The following RORA variants were observed in gnomAD, a reference collection of about 807,000 sequenced individuals.
RORA encodes the protein nuclear receptor ROR-alpha.
Under a neutral mutation model 69.5 loss-of-function variants are expected in RORA, and 7 were observed. That is an observed-to-expected ratio of 0.10 (90% CI 0.06 to 0.19). The LOEUF is 0.19. Ranked by LOEUF, RORA falls within the 10% of genes least tolerant of loss-of-function variation. RORA has a pLI of 1.00. For synonymous variants in RORA, 261 were observed against 240.8 expected, an observed-to-expected ratio of 1.08 and a Z score of -0.78; for missense variants, 457 against 663.0, an observed-to-expected ratio of 0.69 and a Z score of 3.41.
At chr15:60,854,844 C>T (rs2073363505) in intron 1 of RORA, among the ~76,000 whole-genome samples, 1 of 152,220 alleles carries the variant, frequency 6.6e-6, no homozygotes, top group African/African-American at 2.4e-5. Flanking sequence ...GATACTTTGG[C>T]AGTTTAAAGT....
Position 60,884,224 on chromosome 15 carries a change from C to A in RORA, c.167-205538G>T, listed in dbSNP as rs967021492. 3.3e-5 allele frequency among the ~76,000 whole-genome samples: 5 copies of A among 151,592 alleles called. No individual in the cohort carries two copies. In the East Asian group the frequency reaches 9.7e-4, roughly 29 times the overall value. On this transcript the variant is annotated intron_variant, in intron 1 of 10. Transcript: ENST00000335670. ...AGAAAGAGAGAGAGAGAGAGAAGGA[C>A]AAGAAGAAGAAGAAAATGGCACAGA...
intron 2 of RORA, among the ~76,000 whole-genome samples, chr15:60,559,737 G>A (rs1372174272): frequency 6.6e-6 from 1 of 152,180 alleles, no homozygotes; most frequent in Admixed American, 6.5e-5. Flanking sequence ...ATTACGGCTT[G>A]ATAATTATCA....
At chr15:61,112,255 A>G (rs1258378234) in intron 1 of RORA, among the ~76,000 whole-genome samples, 1 of 152,138 alleles carries the variant, frequency 6.6e-6, no homozygotes, top group Non-Finnish European at 1.5e-5. Context: ...TTTCTTTTAC[A>G]TTGTACTTTA....
At chr15:60,824,700 G>A (rs2072935129) in intron 1 of RORA, among the ~76,000 whole-genome samples, 1 of 152,180 alleles carries the variant, frequency 6.6e-6, no homozygotes, top group Admixed American at 6.5e-5. Flanking sequence ...TTGTTGCTGT[G>A]AAGATTAAGT....
At chr15:61,090,247 T>C (rs1307179299) in intron 1 of RORA, among the ~76,000 whole-genome samples, 2 of 152,194 alleles carry the variant, frequency 1.3e-5, no homozygotes, top group Non-Finnish European at 2.9e-5. Flanking sequence ...CAAGACCTTG[T>C]ATTTTTTATT....
chr15:60,759,708 G>C (rs146469685), intron 1 of RORA, among the ~76,000 whole-genome samples: 1 of 152,104 alleles, frequency 6.6e-6, no homozygotes, highest in African/African-American at 2.4e-5. Flanking sequence ...AAAGAAGTGC[G>C]TGCCAAATGA....
At chr15:61,161,482 AT>A (rs2079495409) in intron 1 of RORA, among the ~76,000 whole-genome samples, 1 of 152,214 alleles carries the variant, frequency 6.6e-6, no homozygotes, top group South Asian at 2.1e-4. Flanking sequence ...AGTAACATCT[AT>A]CTCACAGACT....
At chr15:60,823,912 G>T (rs1335815777) in intron 1 of RORA, among the ~76,000 whole-genome samples, 3 of 152,140 alleles carry the variant, frequency 2.0e-5, no homozygotes, top group Non-Finnish European at 1.5e-5. Flanking sequence ...CATCTTGGGG[G>T]TGGCCAGCAT....
intron 1 of RORA, among the ~76,000 whole-genome samples, chr15:60,871,704 C>T (rs2073557994): frequency 6.6e-6 from 1 of 152,216 alleles, no homozygotes; most frequent in African/African-American, 2.4e-5. Context: ...TTCAAAGCCT[C>T]TTATGTGAAG....
intron 1 of RORA, among the ~76,000 whole-genome samples, chr15:61,195,396 A>G (rs1053353386): frequency 1.3e-5 from 2 of 151,730 alleles, no homozygotes; most frequent in Admixed American, 6.6e-5. Context: ...GCTTCAACAA[A>G]CCAAACCACA....
At chr15:60,556,872 TACTTCCTTA>T (rs755332713) in intron 2 of RORA, 1 of 1,613,316 alleles carries the variant, frequency 6.2e-7, no homozygotes, top group East Asian at 2.2e-5. Context: ...ATCCAGTTTG[TACTTCCTTA>T]TCTTCCTTTT....
At chr15:60,678,429 A>G (rs917960326) in intron 2 of RORA, 12 of 453,546 alleles carry the variant, frequency 2.6e-5, no homozygotes, top group Admixed American at 3.9e-5. Context: ...GGCTGGAAAC[A>G]CTGGAATTCA....
At chr15:61,216,598 G>A (rs1369904070) in intron 1 of RORA, among the ~76,000 whole-genome samples, 1 of 152,118 alleles carries the variant, frequency 6.6e-6, no homozygotes, top group Non-Finnish European at 1.5e-5. Flanking sequence ...AGGGCAAGGT[G>A]GGAATAAGGT....
At chr15:60,913,080 C>T (rs1015751243) in intron 1 of RORA, among the ~76,000 whole-genome samples, 4 of 152,140 alleles carry the variant, frequency 2.6e-5, no homozygotes, top group African/African-American at 9.7e-5. Context: ...AGGGTTTATT[C>T]TTACTGATAA....
At chr15:60,521,342 A>G (rs555852930) in intron 3 of RORA, among the ~76,000 whole-genome samples, 1 of 151,836 alleles carries the variant, frequency 6.6e-6, no homozygotes, top group East Asian at 1.9e-4. Context: ...CCTGGGTTCA[A>G]GTGATTCTCC....
chr15:60,729,474 C>T (rs1009916009), intron 1 of RORA, among the ~76,000 whole-genome samples: 2 of 152,182 alleles, frequency 1.3e-5, no homozygotes, highest in African/African-American at 2.4e-5. Context: ...TAGGACAAAT[C>T]CATTTATGTA....
chr15:60,565,574 A>G (rs1410595327), intron 2 of RORA, among the ~76,000 whole-genome samples: 1 of 152,216 alleles, frequency 6.6e-6, no homozygotes, highest in Non-Finnish European at 1.5e-5. Flanking sequence ...GATCTGTTTC[A>G]TGTTAAAATT....
chr15:60,698,950 G>A (rs909855325), intron 1 of RORA, among the ~76,000 whole-genome samples: 1 of 151,846 alleles, frequency 6.6e-6, no homozygotes, highest in Non-Finnish European at 1.5e-5. Flanking sequence ...CATAATCTTT[G>A]CTCACTTTTG....
intron 1 of RORA, among the ~76,000 whole-genome samples, chr15:60,816,934 T>C (rs2072826246): frequency 6.6e-6 from 1 of 152,170 alleles, no homozygotes; most frequent in South Asian, 2.1e-4. Context: ...TTTCTGTTAG[T>C]AGTGTATGCA....
Sources: allele counts gnomAD v4.1 joint callset (sites outside exome capture counted in the v4.1 genomes callset), GRCh38; gene constraint gnomAD v4.1.1; transcripts MANE v1.5; gene names NCBI Gene and HGNC (gene_info 2026-07-23, HGNC 2026-07-21).